The following C1orf167 variants were observed in gnomAD, a reference collection of about 807,000 sequenced individuals.
The protein encoded by C1orf167 is uncharacterized protein C1orf167.
Under a neutral mutation model 176.5 loss-of-function variants are expected in C1orf167, and 153 were observed. The observed-to-expected ratio is 0.87, with a 90% CI of 0.76 to 0.99. C1orf167 has a LOEUF of 0.99. C1orf167 is among the 50% of genes least tolerant of loss of function. The pLI is 0.00. For missense variants in C1orf167, 1,490 were observed against 1,817.7 expected (o/e 0.82, Z 3.28); for synonymous variants, 594 against 752.7 (o/e 0.79, Z 3.45).
Position 11,778,685 on chromosome 1 carries a change from C to T in C1orf167, c.2365C>T (p.Arg789Trp), listed in dbSNP as rs543536097. 2.1e-4 allele frequency: 267 copies of T among 1,300,450 alleles called. No individual in the cohort carries two copies. The highest frequency in any genetic ancestry group is 4.8e-4 in the South Asian group (39 of 80,850). 80.6% of individuals were successfully genotyped at this position (1,300,450 alleles called of 1,614,324 possible). A position where few individuals can be genotyped will look rare whatever the true frequency, so the allele number is the denominator to read the frequency against. The change falls in exon 11 of 21, where the codon CGG (arginine) becomes TGG (tryptophan). Residue 789 changes from arginine to tryptophan, a missense_variant. Transcript: ENST00000688073. ...CTCCTTCTTCCAGGGCCTGCAGCAGCGGATGCTGCAGCGCAGCCTGAGATG... is the reference window on the plus strand; with the variant it reads ...CTCCTTCTTCCAGGGCCTGCAGCAGTGGATGCTGCAGCGCAGCCTGAGATG... The part of the protein sequence containing the change: ...ANSFFQGLQQ[R>W]MLQRSLRWWH...
Position 11,784,298 on chromosome 1 carries a change from C to T in C1orf167, c.3130C>T (p.Gln1044Ter), listed in dbSNP as rs749248175. Residue 1044 changes from glutamine (Q) to a stop codon, truncating the protein, a stop_gained, in exon 15 of 21, where the codon CAG becomes TAG. Coordinates refer to ENST00000688073, the MANE Select transcript of C1orf167 (RefSeq NM_001010881.2). LOFTEE classifies it high-confidence loss of function. ...GAVFATWREA[Q>*]EVAAGAQEQR... Reference sequence around the variant, plus strand: ...CGTGTTTGCCACATGGCGGGAAGCCCAGGAAGTGGCAGCCGGGGCACAGGA... The same window carrying T: ...CGTGTTTGCCACATGGCGGGAAGCCTAGGAAGTGGCAGCCGGGGCACAGGA... 650 of 1,303,548 alleles carry T rather than the reference C, an allele frequency of 5.0e-4. 1 individual carries two copies. Among genetic ancestry groups the T allele is most frequent in the Non-Finnish European group, 6.4e-4 (631 of 988,664 alleles). 80.7% of individuals were successfully genotyped at this position (1,303,548 alleles called of 1,614,324 possible). A position where few individuals can be genotyped will look rare whatever the true frequency, so the allele number is the denominator to read the frequency against.
intron 1 of C1orf167, 79 bp downstream of exon 1, chr1:11,762,384 T>A: frequency 3.4e-6 from 1 of 297,084 alleles, no homozygotes; most frequent in Non-Finnish European, 6.8e-6. Context: ...TGAGCCCCCT[T>A]AAGTGGACAG....
rs1293147009 is a variant in C1orf167, at chr1:11,778,802, G to C, written c.2482G>C (p.Asp828His). Residue 828 changes from aspartate to histidine, a missense_variant, in exon 11 of 21, where the codon GAC becomes CAC. By Grantham distance (81) the Asp-to-His change is moderately conservative. Transcript: ENST00000688073. ...GCCACTGAGCAGCAGCACACTCCAA[G>C]ACTCTCTGGAGAAGGTGAGAGGTAG... The part of the protein sequence containing the change: ...LEPLSSSTLQ[D>H]SLEKVPRAPT... The C allele has an allele frequency of 7.7e-6, 10 of 1,297,612 alleles. No individual in the cohort carries two copies. Among genetic ancestry groups the C allele is most frequent in the South Asian group, 5.0e-5 (4 of 80,598 alleles). The allele number at this position is 1,297,612 out of a possible 1,614,324, so 80.4% of individuals were successfully genotyped here.
At chr1:11,779,697 G>C in intron 12 of C1orf167, 105 bp from the exon 13 acceptor site, 2 of 904,012 alleles carry the variant, frequency 2.2e-6, no homozygotes, top group Non-Finnish European at 3.0e-6. Context: ...GAGTCACCCA[G>C]AGCCTCCTGC....
chr1:11,782,245 C>T lies in C1orf167; in HGVS notation c.2917C>T (p.Leu973=). ...ATGGGTGCAGGTCCACCTCCAGGGC[C>T]TGCAGAAGGTGGTGTTCCGGAGCTG... The part of the protein sequence containing the change: ...QTWVQVHLQG[L]QKVVFRSWQQ... Residue 973 remains leucine, a synonymous_variant, in exon 14 of 21, where the codon CTG becomes TTG. Coordinates refer to ENST00000688073, the MANE Select transcript of C1orf167 (RefSeq NM_001010881.2). 1 of 1,302,008 alleles carries T rather than the reference C, an allele frequency of 7.7e-7. No individual in the cohort carries two copies. The highest frequency in any genetic ancestry group is 1.0e-6 in the Non-Finnish European group (1 of 988,180). The allele number at this position is 1,302,008 out of a possible 1,614,324, so 80.7% of individuals were successfully genotyped here. A position where few individuals can be genotyped will look rare whatever the true frequency, so the allele number is the denominator to read the frequency against.
rs902903757 is a variant in C1orf167 at position 11,766,348 on chromosome 1, G to A, written c.562G>A (p.Ala188Thr). The A allele has an allele frequency of 1.4e-5, 18 of 1,277,122 alleles. No individual in the cohort carries two copies. The highest frequency in any genetic ancestry group is 2.2e-4 in the Middle Eastern group (1 of 4,598). The allele number at this position is 1,277,122 out of a possible 1,614,324, so 79.1% of individuals were successfully genotyped here. ...GGACTTCAGGCCCACTGAAGCCTTT[G>A]CCCCTCTCGATGGGCATACACAGCC... ...SGDFRPTEAFAPLDGHTQPGL... is the reference protein window; with the variant it reads ...SGDFRPTEAFTPLDGHTQPGL... Residue 188 changes from alanine to threonine, a missense_variant, in exon 3 of 21, where the codon GCC (alanine) becomes ACC (threonine). Coordinates refer to ENST00000688073, the MANE Select transcript of C1orf167 (RefSeq NM_001010881.2). This position sits in a 1 kb window ranked among gnomAD's most constrained non-coding sequence, Gnocchi z 4.5.
chr1:11,787,713 C>G, intron 17 of C1orf167, 160 bp from the exon 18 acceptor site: 1 of 1,076,888 alleles, frequency 9.3e-7, no homozygotes, highest in Non-Finnish European at 1.2e-6. Flanking sequence ...GGCAGGCAGC[C>G]GGGAGAGGCT....
Position 11,784,297 on chromosome 1 carries a change from C to T in C1orf167, c.3129C>T (p.Ala1043=). 2 of 1,303,574 alleles carry T rather than the reference C, an allele frequency of 1.5e-6. No homozygotes were observed. The highest frequency in any genetic ancestry group is 2.5e-5 in the South Asian group (2 of 80,906). 80.8% of individuals were successfully genotyped at this position (1,303,574 alleles called of 1,614,324 possible). The stretch of plus-strand genomic sequence containing the variant: ...CCGTGTTTGCCACATGGCGGGAAGC[C>T]CAGGAAGTGGCAGCCGGGGCACAGG... ...LGAVFATWRE[A]QEVAAGAQEQ... Residue 1043 remains alanine (A), a synonymous_variant, in exon 15 of 21, where the codon GCC becomes GCT. Coordinates refer to ENST00000688073, the MANE Select transcript of C1orf167 (RefSeq NM_001010881.2).
Position 11,787,906 on chromosome 1 carries a change from A to G in C1orf167, c.3707A>G (p.Gln1236Arg). 1 of 1,257,462 alleles carries G rather than the reference A, an allele frequency of 8.0e-7. No individual in the cohort carries two copies. Among genetic ancestry groups the G allele is most frequent in the South Asian group, 1.4e-5 (1 of 73,806 alleles). The allele number at this position is 1,257,462 out of a possible 1,614,324, so 77.9% of individuals were successfully genotyped here. The change falls in exon 18 of 21, where the codon CAG becomes CGG. Residue 1236 changes from glutamine to arginine, a missense_variant. Coordinates refer to ENST00000688073, the MANE Select transcript of C1orf167 (RefSeq NM_001010881.2). ...GAACATTCCCTCTGCCCTGCCTTCC[A>G]GCTCTGGCCACAGTGGCCTGGACAG... ...CREHSLCPAF[Q>R]LWPQWPGQSS...
chr1:11,774,602 C>T (rs573688030), intron 8 of C1orf167, among the ~76,000 whole-genome samples: 164 of 152,142 alleles, frequency 1.1e-3, no homozygotes, highest in Non-Finnish European at 1.7e-3. Context: ...GGCCTCTGGC[C>T]GGGAGTGTAA....
chr1:11,764,653 C>G (rs1485020754), intron 2 of C1orf167, among the ~76,000 whole-genome samples, 183 bp downstream of exon 2: 1 of 152,176 alleles, frequency 6.6e-6, no homozygotes, highest in African/African-American at 2.4e-5. Context: ...GGAGGGGGGT[C>G]TTGGGAGAGT....
At position 11,765,943 on chromosome 1, in the gene C1orf167, G is replaced by A. The variant is rs1312701988; in HGVS notation, c.157G>A (p.Gly53Arg). ...WVPGCQVERG[G>R]PAATPSPGAV... The stretch of plus-strand genomic sequence containing the variant: ...GCCCGGGTGCCAGGTGGAGAGGGGA[G>A]GGCCTGCTGCCACACCCTCCCCAGG... The change falls in exon 3 of 21, where the codon GGG (glycine) becomes AGG (arginine). Residue 53 changes from glycine to arginine, a missense_variant. Gly to Arg is a moderately radical substitution (Grantham distance 125). Coordinates refer to ENST00000688073, the MANE Select transcript of C1orf167 (RefSeq NM_001010881.2). 4.0e-6 allele frequency: 5 copies of A among 1,260,954 alleles called. No individual in the cohort carries two copies. Among genetic ancestry groups the A allele is most frequent in the Non-Finnish European group, 5.1e-6 (5 of 972,824 alleles). 78.1% of individuals were successfully genotyped at this position (1,260,954 alleles called of 1,614,324 possible).
In C1orf167 at chr1:11,779,073, C is replaced by G; in HGVS notation, c.2644C>G (p.Gln882Glu). Reference sequence around the variant, plus strand: ...AGCCAGGTGGTACCAGCATACCCGCCAGAGGCGGTAGGGATCCCTCCCCAT... The same window carrying G: ...AGCCAGGTGGTACCAGCATACCCGCGAGAGGCGGTAGGGATCCCTCCCCAT... ...GTARWYQHTRQRRIFLSWSRW... is the reference protein window; with the variant it reads ...GTARWYQHTRERRIFLSWSRW... Residue 882 changes from glutamine to glutamate, a missense_variant, in exon 12 of 21, where the codon CAG becomes GAG. Coordinates refer to ENST00000688073, the MANE Select transcript of C1orf167 (RefSeq NM_001010881.2). The G allele has an allele frequency of 8.0e-7, 1 of 1,247,268 alleles. No homozygotes were observed. 77.3% of individuals were successfully genotyped at this position (1,247,268 alleles called of 1,614,324 possible). A position where few individuals can be genotyped will look rare whatever the true frequency, so the allele number is the denominator to read the frequency against.
rs1476010949 is a variant in C1orf167 at position 11,766,790 on chromosome 1, C to A, written c.1004C>A (p.Thr335Asn). 2 of 1,289,604 alleles carry A rather than the reference C, an allele frequency of 1.6e-6. No homozygotes were observed. The highest frequency in any genetic ancestry group is 4.6e-5 in the Admixed American group (2 of 43,534). 79.9% of individuals were successfully genotyped at this position (1,289,604 alleles called of 1,614,324 possible). Reference sequence around the variant, plus strand: ...CCTGAGACCACTTTGGGGACACGGACCAAGGATTCCCTTAATCCTGAGCAG... The same window carrying A: ...CCTGAGACCACTTTGGGGACACGGAACAAGGATTCCCTTAATCCTGAGCAG... ...MSPETTLGTRTKDSLNPEQGL... is the reference protein window; with the variant it reads ...MSPETTLGTRNKDSLNPEQGL... The change falls in exon 3 of 21, where the codon ACC becomes AAC. Residue 335 changes from threonine (T) to asparagine (N), a missense_variant. Coordinates refer to ENST00000688073, the MANE Select transcript of C1orf167 (RefSeq NM_001010881.2). The surrounding 1 kb of genome is among the most constrained non-coding windows in gnomAD (Gnocchi z 4.5).
At chr1:11,780,999 CTTTTTTT>C (rs386366239) in intron 13 of C1orf167, among the ~76,000 whole-genome samples, 39 of 92,784 alleles carry the variant, frequency 4.2e-4, no homozygotes, top group Admixed American at 1.8e-3. Context: ...CCCAACCAGT[CTTTTTTT>C]TTTTTTTTTT....
chr1:11,766,456 C>A lies in C1orf167; in HGVS notation c.670C>A (p.Pro224Thr). The A allele has an allele frequency of 7.8e-7, 1 of 1,286,914 alleles. No homozygotes were observed. The highest frequency in any genetic ancestry group is 1.0e-6 in the Non-Finnish European group (1 of 987,384). 79.7% of individuals were successfully genotyped at this position (1,286,914 alleles called of 1,614,324 possible). A position where few individuals can be genotyped will look rare whatever the true frequency, so the allele number is the denominator to read the frequency against. Reference sequence around the variant, plus strand: ...TCTCACCCTGGAGGACCTGGCTGTCCCCAGTCAGAACCAGACTCAGGCCCC... The same window carrying A: ...TCTCACCCTGGAGGACCTGGCTGTCACCAGTCAGAACCAGACTCAGGCCCC... Reference protein sequence around the residue: ...EPLTLEDLAVPSQNQTQAPSR... With the variant: ...EPLTLEDLAVTSQNQTQAPSR... Residue 224 changes from proline (P) to threonine (T), a missense_variant, in exon 3 of 21, where the codon CCC becomes ACC. Coordinates refer to ENST00000688073, the MANE Select transcript of C1orf167 (RefSeq NM_001010881.2). This position sits in a 1 kb window ranked among gnomAD's most constrained non-coding sequence, Gnocchi z 4.5.
rs757680960 is a variant in C1orf167 at position 11,779,752 on chromosome 1, G to A, written c.2652-50G>A. On this transcript the variant is annotated intron_variant, in intron 12 of 20. Coordinates refer to ENST00000688073, the MANE Select transcript of C1orf167 (RefSeq NM_001010881.2). ...AAGGAGGGTGGGGCAGGGCTGGCCT[G>A]GGATTTGGGGGACAGTGGCCATCCT... 5.6e-5 allele frequency: 70 copies of A among 1,246,306 alleles called. 1 individual carries two copies. The East Asian group carries it at 3.1e-3, about 55-fold the overall frequency. 77.2% of individuals were successfully genotyped at this position (1,246,306 alleles called of 1,614,324 possible).
chr1:11,779,972 C>A lies in C1orf167; in HGVS notation c.2822C>A (p.Ala941Glu). The A allele has an allele frequency of 7.7e-7, 1 of 1,296,378 alleles. No homozygotes were observed. Among genetic ancestry groups the A allele is most frequent in the South Asian group, 1.2e-5 (1 of 80,486 alleles). 80.3% of individuals were successfully genotyped at this position (1,296,378 alleles called of 1,614,324 possible). Reference protein sequence around the residue: ...WWAQERGWRLARDALCHWHSC... With the variant: ...WWAQERGWRLERDALCHWHSC... ...GCCCAGGAGCGGGGCTGGCGGCTGG[C>A]ACGAGATGCCCTATGCCACTGGCAC... The change falls in exon 13 of 21, where the codon GCA becomes GAA. Residue 941 changes from alanine to glutamate, a missense_variant. Physicochemically the swap from Ala to Glu is moderately radical, Grantham distance 107. Coordinates refer to ENST00000688073, the MANE Select transcript of C1orf167 (RefSeq NM_001010881.2).
chr1:11,768,766 T>C lies in C1orf167; in HGVS notation c.1543-207T>C, dbSNP rs552459060. Among the ~76,000 whole-genome samples the C allele has an allele frequency of 3.9e-5, 6 of 152,264 alleles. No homozygotes were observed. Among genetic ancestry groups the C allele is most frequent in the Admixed American group, 1.3e-4 (2 of 15,290 alleles). ...CAGCTTTCATCTTTTAAGGAAAGCG[T>C]TGCCTCTTGGGATGCATCGCTCTAT... On this transcript the variant is annotated intron_variant, in intron 5 of 20. Coordinates refer to ENST00000688073, the MANE Select transcript of C1orf167 (RefSeq NM_001010881.2). This position sits in a 1 kb window ranked among gnomAD's most constrained non-coding sequence, Gnocchi z 4.5.
Sources: gnomAD v4.1 joint callset for allele counts (sites outside exome capture counted in the v4.1 genomes callset) on GRCh38, gnomAD v4.1.1 for gene constraint, Gnocchi (gnomAD v3.1) non-coding constraint, MANE v1.5 for transcripts, NCBI Gene and HGNC (gene_info 2026-07-23, HGNC 2026-07-21) for gene names.